The following SULT1B1 variants were observed in gnomAD, a reference collection of about 807,000 sequenced individuals.
SULT1B1 encodes the protein sulfotransferase family 1B member 1.
Under a neutral mutation model 34.6 loss-of-function variants are expected in SULT1B1, and 28 were observed. The observed-to-expected ratio is 0.81, with a 90% CI of 0.60 to 1.11. The LOEUF is 1.11. Among genes scored for constraint, SULT1B1 ranks in the 50% least tolerant of loss-of-function variants. The pLI is 0.00. For missense variants in SULT1B1, 374 were observed against 352.2 expected (o/e 1.06, Z -0.50); for synonymous variants, 147 against 110.2 (o/e 1.33, Z -2.09).
At chr4:69,756,874 G>A (rs556984397) in intron 1 of SULT1B1, among the ~76,000 whole-genome samples, 20 of 152,104 alleles carry the variant, frequency 1.3e-4, no homozygotes, top group African/African-American at 4.1e-4. Context: ...AACTGATTGC[G>A]TGAGTCCCAT....
Position 69,755,193 on chromosome 4 carries a change from G to A in SULT1B1, c.25C>T (p.Arg9Ter), listed in dbSNP as rs145432692. ...CCATGGACCAACTTCAGATCTTTTCGCAGAATATCTTTTGGGGAAAGCATT... is the reference window on the plus strand; with the variant it reads ...CCATGGACCAACTTCAGATCTTTTCACAGAATATCTTTTGGGGAAAGCATT... MLSPKDIL[R>*]KDLKLVHGYP... is the part of the protein sequence containing the mutation. Residue 9 changes from arginine to a stop codon, truncating the protein, a stop_gained, in exon 2 of 8, where the codon CGA becomes TGA. Transcript: ENST00000310613. LOFTEE classifies it high-confidence loss of function. 142 of 1,613,516 alleles carry A rather than the reference G, an allele frequency of 8.8e-5. 1 individual carries two copies. Among genetic ancestry groups the A allele is most frequent in the Admixed American group, 1.2e-4 (7 of 59,984 alleles).
intron 4 of SULT1B1, among the ~76,000 whole-genome samples, chr4:69,740,748 G>T (rs1718514265): frequency 6.6e-6 from 1 of 152,130 alleles, no homozygotes; most frequent in South Asian, 2.1e-4. Flanking sequence ...GAAAAGTGCT[G>T]TTCATGTCTT....
chr4:69,733,493 A>C lies in SULT1B1; in HGVS notation c.517T>G (p.Trp173Gly), dbSNP rs757115051. ...FLTGKVAYGS[W>G]FTHVKNWWKK... The stretch of plus-strand genomic sequence containing the variant: ...CACCAGTTTTTAACATGAGTAAACC[A>C]GGAACCATAGGCCACTAAAACCAGA... Residue 173 changes from tryptophan (W) to glycine (G), a missense_variant, in exon 6 of 8, where the codon TGG becomes GGG. Physicochemically the swap from Trp to Gly is radical, Grantham distance 184. Coordinates refer to ENST00000310613, the MANE Select transcript of SULT1B1 (RefSeq NM_014465.4). 6.2e-7 allele frequency: 1 copy of C among 1,604,774 alleles called. No homozygotes were observed. Among genetic ancestry groups the C allele is most frequent in the Non-Finnish European group, 8.5e-7 (1 of 1,176,648 alleles).
chr4:69,750,286 A>T (rs1718929899), intron 3 of SULT1B1, among the ~76,000 whole-genome samples: 1 of 152,154 alleles, frequency 6.6e-6, no homozygotes, highest in African/African-American at 2.4e-5. Flanking sequence ...AACTTTGTAT[A>T]TAATATCAGC....
At chr4:69,749,310 G>A (rs555666288) in intron 4 of SULT1B1, among the ~76,000 whole-genome samples, 2 of 152,108 alleles carry the variant, frequency 1.3e-5, no homozygotes, top group South Asian at 4.2e-4. Context: ...AATCTACATA[G>A]CACTGTAGCT....
rs1323299052 is a variant in SULT1B1 at position 69,723,797 on chromosome 4, C to G, written c.*3291G>C. On this transcript the variant is annotated 3_prime_UTR_variant, in exon 8 of 8. Transcript: ENST00000310613. Reference sequence around the variant, plus strand: ...AACCACATGATTATCTCAATAGATGCAGAAAAGGCCTTTGACAAAATTCAA... The same window carrying G: ...AACCACATGATTATCTCAATAGATGGAGAAAAGGCCTTTGACAAAATTCAA... 1 of 152,138 alleles carries G rather than the reference C, an allele frequency of 6.6e-6. No individual in the cohort carries two copies. The highest frequency in any genetic ancestry group is 1.5e-5 in the Non-Finnish European group (1 of 68,032). 9.4% of individuals were successfully genotyped at this position (152,138 alleles called of 1,614,324 possible).
In SULT1B1 at chr4:69,722,925, A is replaced by G. The variant is rs770030807; in HGVS notation, c.*4163T>C. 1.3e-5 allele frequency: 2 copies of G among 151,978 alleles called. No homozygotes were observed. Among genetic ancestry groups the G allele is most frequent in the Non-Finnish European group, 2.9e-5 (2 of 68,030 alleles). The allele number at this position is 151,978 out of a possible 1,614,324, so 9.4% of individuals were successfully genotyped here. A position where few individuals can be genotyped will look rare whatever the true frequency, so the allele number is the denominator to read the frequency against. ...TTCAGCTTGAGAACCATGGCTTGGCATATAACTTGGCACATGTGATATGAT... is the reference window on the plus strand; with the variant it reads ...TTCAGCTTGAGAACCATGGCTTGGCGTATAACTTGGCACATGTGATATGAT... On this transcript the variant is annotated 3_prime_UTR_variant, in exon 8 of 8. Transcript: ENST00000310613.
intron 1 of SULT1B1, chr4:69,758,188 G>T: frequency 2.0e-6 from 1 of 495,342 alleles, no homozygotes; most frequent in Non-Finnish European, 2.6e-6. Flanking sequence ...GAAGTCAGCA[G>T]AAGGAGGAAG....
chr4:69,743,504 G>C (rs1718631115), intron 4 of SULT1B1, among the ~76,000 whole-genome samples: 1 of 152,156 alleles, frequency 6.6e-6, no homozygotes, highest in African/African-American at 2.4e-5. Flanking sequence ...CAGCTCCCAG[G>C]CTTCAGGCCC....
rs1717811349 is a variant in SULT1B1, at chr4:69,725,788, C to T, written c.*1300G>A. 1 of 151,388 alleles carries T rather than the reference C, an allele frequency of 6.6e-6. No individual in the cohort carries two copies. Among genetic ancestry groups the T allele is most frequent in the African/African-American group, 2.4e-5 (1 of 41,222 alleles). 9.4% of individuals were successfully genotyped at this position (151,388 alleles called of 1,614,324 possible). A position where few individuals can be genotyped will look rare whatever the true frequency, so the allele number is the denominator to read the frequency against. The stretch of plus-strand genomic sequence containing the variant: ...TTGCAAGAACAAAAAAACCAAACAC[C>T]TCATGTTCTTAGTCATTGGTGGGAA... On this transcript the variant is annotated 3_prime_UTR_variant, in exon 8 of 8. Coordinates refer to ENST00000310613, the MANE Select transcript of SULT1B1 (RefSeq NM_014465.4).
intron 7 of SULT1B1, 91 bp from the exon 8 acceptor site, chr4:69,727,291 A>C: frequency 1.2e-6 from 1 of 814,214 alleles, no homozygotes; most frequent in Non-Finnish European, 1.8e-6. Flanking sequence ...GAAGGCCTAA[A>C]GAAAGACCTT....
Position 69,734,221 on chromosome 4 carries a change from T to C in SULT1B1, c.419A>G (p.Tyr140Cys), listed in dbSNP as rs1363669119. ...ARNAKDVSVS[Y>C]YHFDLMNNLQ... ...ATTATTCATTAAGTCAAAATGGTAA[T>C]ATGAGACTGAAACATCCTTGGCATT... Residue 140 changes from tyrosine (Y) to cysteine (C), a missense_variant, in exon 5 of 8, where the codon TAT becomes TGT. Coordinates refer to ENST00000310613, the MANE Select transcript of SULT1B1 (RefSeq NM_014465.4). The C allele has an allele frequency of 6.2e-7, 1 of 1,613,010 alleles. No homozygotes were observed. The highest frequency in any genetic ancestry group is 1.7e-5 in the Admixed American group (1 of 59,922).
At position 69,721,444 on chromosome 4, in the gene SULT1B1, T is replaced by C. The variant is rs1478056976; in HGVS notation, c.*5644A>G. On this transcript the variant is annotated 3_prime_UTR_variant, in exon 8 of 8. Transcript: ENST00000310613. The stretch of plus-strand genomic sequence containing the variant: ...TAATTGTTTTCCCATATATCATTAA[T>C]ATCAAGCATTTTGAAGAAATTATAG... 6.6e-6 allele frequency: 1 copy of C among 152,120 alleles called. No homozygotes were observed. The highest frequency in any genetic ancestry group is 1.5e-5 in the Non-Finnish European group (1 of 68,006). The allele number at this position is 152,120 out of a possible 1,614,324, so 9.4% of individuals were successfully genotyped here.
At chr4:69,742,621 C>T (rs748026985) in intron 4 of SULT1B1, among the ~76,000 whole-genome samples, 3 of 152,160 alleles carry the variant, frequency 2.0e-5, no homozygotes, top group Non-Finnish European at 4.4e-5. Context: ...TGGGGTTTTG[C>T]TTCACCAGCC....
chr4:69,733,541 T>A, intron 5 of SULT1B1, 34 bp from the exon 6 acceptor site: 1 of 1,438,556 alleles, frequency 7.0e-7, no homozygotes. Flanking sequence ...TTCATAAACA[T>A]TCATCAAATT....
intron 1 of SULT1B1, among the ~76,000 whole-genome samples, chr4:69,756,380 G>T (rs1719193957): frequency 6.6e-6 from 1 of 152,070 alleles, no homozygotes; most frequent in African/African-American, 2.4e-5. Context: ...CTGTGCCAAG[G>T]AGTCCCCAGA....
Position 69,723,738 on chromosome 4 carries a change from T to C in SULT1B1, c.*3350A>G, listed in dbSNP as rs1170528961. ...GGTTCAACATATGCAAATCAATAAA[T>C]GTAATCCAGCATATAAACAGAACCA... is the stretch of plus-strand genomic sequence containing the variant. On this transcript the variant is annotated 3_prime_UTR_variant, in exon 8 of 8. Coordinates refer to ENST00000310613, the MANE Select transcript of SULT1B1 (RefSeq NM_014465.4). The C allele has an allele frequency of 2.0e-5, 3 of 152,126 alleles. No homozygotes were observed. Among genetic ancestry groups the C allele is most frequent in the Non-Finnish European group, 4.4e-5 (3 of 68,018 alleles). The allele number at this position is 152,126 out of a possible 1,614,324, so 9.4% of individuals were successfully genotyped here.
At chr4:69,733,349 T>C in intron 6 of SULT1B1, 64 bp downstream of exon 6, 1 of 1,194,798 alleles carries the variant, frequency 8.4e-7, no homozygotes, top group Non-Finnish European at 1.2e-6. Flanking sequence ...GGAAAGCAAA[T>C]ATCAACCCTT....
In SULT1B1 at chr4:69,754,809, A is replaced by C. The variant is rs373314010; in HGVS notation, c.149-11T>G. Reference sequence around the variant, plus strand: ...TAACCCAAGTAGTACCTGTGACAAAAGGCAACATTTTCAAAATAATTACCC... The same window carrying C: ...TAACCCAAGTAGTACCTGTGACAAACGGCAACATTTTCAAAATAATTACCC... On this transcript the variant is annotated splice_polypyrimidine_tract_variant and intron_variant, in intron 2 of 7. Coordinates refer to ENST00000310613, the MANE Select transcript of SULT1B1 (RefSeq NM_014465.4). The C allele has an allele frequency of 6.8e-6, 11 of 1,606,556 alleles. No homozygotes were observed. Among genetic ancestry groups the C allele is most frequent in the Non-Finnish European group, 8.5e-6 (10 of 1,177,030 alleles).
Sources: allele counts gnomAD v4.1 joint callset (sites outside exome capture counted in the v4.1 genomes callset), GRCh38; gene constraint gnomAD v4.1.1; transcripts MANE v1.5; gene names NCBI Gene and HGNC (gene_info 2026-07-23, HGNC 2026-07-21).